The following ADGRL2 variants were observed in gnomAD, a reference collection of about 807,000 sequenced individuals.
ADGRL2 encodes adhesion G protein-coupled receptor L2.
In ADGRL2, 44 loss-of-function variants were observed where a neutral mutation model predicts 157.4. The ratio of observed to expected loss-of-function variants is 0.28; its 90% CI spans 0.22 to 0.36. The LOEUF (loss-of-function observed/expected upper bound fraction) is 0.36. Ranked by LOEUF, ADGRL2 falls within the 10% of genes least tolerant of loss-of-function variation. The probability of loss-of-function intolerance (pLI) is 1.00; values close to 1 mark genes in which losing one functional copy is unlikely to be tolerated. For synonymous variants in ADGRL2, 585 were observed against 624.7 expected, an observed-to-expected ratio of 0.94 and a Z score of 0.95; for missense variants, 1,510 against 1,768.9, an observed-to-expected ratio of 0.85 and a Z score of 2.63.
At chr1:81,989,179 T>TA (rs1371635449) in intron 23 of ADGRL2, among the ~76,000 whole-genome samples, 1 of 152,194 alleles carries the variant, frequency 6.6e-6, no homozygotes, top group Non-Finnish European at 1.5e-5. Context: ...TTCCCCCTCC[T>TA]AAACCTCTTT....
At chr1:81,587,507 A>G (rs2081051140) in intron 3 of ADGRL2, among the ~76,000 whole-genome samples, 1 of 152,124 alleles carries the variant, frequency 6.6e-6, no homozygotes, top group Non-Finnish European at 1.5e-5. Context: ...AGGGAAGAAG[A>G]AGTTGTTGAC....
chr1:81,543,095 A>G (rs1263591304), intron 2 of ADGRL2, among the ~76,000 whole-genome samples: 1 of 151,918 alleles, frequency 6.6e-6, no homozygotes, highest in African/African-American at 2.4e-5. Flanking sequence ...GTTATCTAGC[A>G]TGTAGGACTG....
intron 2 of ADGRL2, among the ~76,000 whole-genome samples, chr1:81,499,704 G>A (rs2148004195): frequency 6.6e-6 from 1 of 152,246 alleles, no homozygotes; most frequent in Non-Finnish European, 1.5e-5. Flanking sequence ...CTACTAGCAA[G>A]CCCCAAAACA....
chr1:81,935,698 T>G lies in ADGRL2; in HGVS notation c.288-1030T>G, dbSNP rs199654006. ...CTGCTTGATTTGCCTTCTTAATGTA[T>G]GTGCTATCAGAAAATACAATAAAAA... On this transcript the variant is annotated intron_variant, in intron 3 of 23. Transcript: ENST00000686636. Among the ~76,000 whole-genome samples the G allele has an allele frequency of 1.4e-4, 22 of 152,112 alleles. No individual in the cohort carries two copies. In the East Asian group the frequency reaches 4.2e-3, roughly 29 times the overall value.
chr1:81,841,631 CAA>C (rs1392848966), intron 2 of ADGRL2, among the ~76,000 whole-genome samples: 1 of 152,150 alleles, frequency 6.6e-6, no homozygotes, highest in Admixed American at 6.5e-5. Flanking sequence ...ACGCATATAA[CAA>C]AATCTGTACA....
chr1:81,773,430 C>T lies in ADGRL2; in HGVS notation c.-101+11578C>T, dbSNP rs142739468. Among the ~76,000 whole-genome samples, 985 of 152,190 alleles carry T rather than the reference C, an allele frequency of 6.5e-3. 12 individuals carry two copies. Among genetic ancestry groups the T allele is most frequent in the African/African-American group, 0.023 (953 of 41,524 alleles). ...AATAGAAGGGAATTGGGAAGAGTTT[C>T]TGGGTGAGTTAATTTGAAGCCTTGC... On this transcript the variant is annotated intron_variant, in intron 2 of 20. Transcript: ENST00000359929.
At chr1:81,816,102 A>G (rs1315511694) in intron 1 of ADGRL2, among the ~76,000 whole-genome samples, 2 of 151,888 alleles carry the variant, frequency 1.3e-5, no homozygotes, top group Non-Finnish European at 2.9e-5. Flanking sequence ...TAGATTACAT[A>G]CACTAATGGC....
intron 1 of ADGRL2, among the ~76,000 whole-genome samples, chr1:81,735,660 G>A (rs1329297637): frequency 6.6e-6 from 1 of 151,504 alleles, no homozygotes; most frequent in African/African-American, 2.4e-5. Context: ...CATGATGGTG[G>A]ATGCCTGTAA....
intron 3 of ADGRL2, among the ~76,000 whole-genome samples, chr1:81,622,576 G>T (rs1000746537): frequency 6.6e-6 from 1 of 151,734 alleles, no homozygotes; most frequent in Admixed American, 6.6e-5. Context: ...GTGAGACCCC[G>T]TCTCAAAACA....
At position 81,633,752 on chromosome 1, in the gene ADGRL2, G is replaced by A. The variant is rs180764661; in HGVS notation, c.-143+52772G>A. Among the ~76,000 whole-genome samples the A allele has an allele frequency of 2.0e-3, 299 of 152,034 alleles. 1 individual carries two copies. The highest frequency in any genetic ancestry group is 3.6e-3 in the Non-Finnish European group (244 of 67,972). ...CTCTCTCATCCTCATCTAATCCATC[G>A]TTAAGTCTTGTTGTTTCCACCTCCA... is the stretch of plus-strand genomic sequence containing the variant. On this transcript the variant is annotated intron_variant, in intron 3 of 24. Coordinates refer to the ADGRL2 transcript ENST00000370721.
intron 1 of ADGRL2, among the ~76,000 whole-genome samples, chr1:81,392,091 A>G (rs2076569653): frequency 6.6e-6 from 1 of 152,092 alleles, no homozygotes; most frequent in African/African-American, 2.4e-5. Context: ...TCTATTGTCC[A>G]TACTGTCAAC....
At chr1:81,694,008 T>A (rs1321993072) in intron 3 of ADGRL2, among the ~76,000 whole-genome samples, 1 of 152,184 alleles carries the variant, frequency 6.6e-6, no homozygotes, top group Non-Finnish European at 1.5e-5. Context: ...GAGACAGCAA[T>A]TAATTCTGCC....
intron 1 of ADGRL2, among the ~76,000 whole-genome samples, chr1:81,318,872 A>G (rs916792311): frequency 7.2e-6 from 1 of 138,786 alleles, no homozygotes; most frequent in African/African-American, 2.7e-5. Context: ...TCTTTTTTCT[A>G]CTTTCATTTT....
At chr1:81,599,530 A>G (rs148746521) in intron 3 of ADGRL2, among the ~76,000 whole-genome samples, 1 of 151,546 alleles carries the variant, frequency 6.6e-6, no homozygotes, top group Non-Finnish European at 1.5e-5. Context: ...AAAGATTTTC[A>G]TGGTAGATGA....
intron 2 of ADGRL2, among the ~76,000 whole-genome samples, chr1:81,538,435 G>GA (rs2148304419): frequency 6.6e-6 from 1 of 152,070 alleles, no homozygotes; most frequent in African/African-American, 2.4e-5. Flanking sequence ...CCAGCAGGGG[G>GA]AAAAAAGGAA....
At chr1:81,510,263 A>C (rs10782762) in intron 2 of ADGRL2, among the ~76,000 whole-genome samples, 60,022 of 152,032 alleles carry the variant, frequency 0.39, 16,107 homozygotes, top group African/African-American at 0.76. Flanking sequence ...AATAATATTT[A>C]TCAGGTGCAT....
intron 3 of ADGRL2, among the ~76,000 whole-genome samples, chr1:81,643,510 T>C (rs1467103425): frequency 6.6e-6 from 1 of 152,128 alleles, no homozygotes; most frequent in Non-Finnish European, 1.5e-5. Context: ...GGTCTCACTA[T>C]GTTGCCCAGG....
At chr1:81,868,714 A>C (rs1458278865) in intron 2 of ADGRL2, among the ~76,000 whole-genome samples, 1 of 152,218 alleles carries the variant, frequency 6.6e-6, no homozygotes, top group Non-Finnish European at 1.5e-5. Context: ...TCATACCTAC[A>C]AAACTCTGTT....
At chr1:81,426,754 G>T in intron 1 of ADGRL2, 1 of 463,064 alleles carries the variant, frequency 2.2e-6, no homozygotes, top group South Asian at 1.7e-5. Context: ...CACACAGGTT[G>T]GTGGGTGTCT....
Sources: gnomAD v4.1 joint callset for allele counts (sites outside exome capture counted in the v4.1 genomes callset) on GRCh38, gnomAD v4.1.1 for gene constraint, MANE v1.5 for transcripts, NCBI Gene and HGNC (gene_info 2026-07-23, HGNC 2026-07-21) for gene names.